The following STAC variants were observed in gnomAD, a reference collection of about 807,000 sequenced individuals.
STAC encodes the protein SH3 and cysteine rich domain.
Under a neutral mutation model 48.8 loss-of-function variants are expected in STAC, and 43 were observed. The observed-to-expected ratio is 0.88, with a 90% CI of 0.69 to 1.14. The LOEUF is 1.14. STAC is among the 50% of genes most tolerant of loss of function. The pLI is 0.00. For synonymous variants in STAC, 193 were observed against 179.5 expected, an observed-to-expected ratio of 1.07 and a Z score of -0.60; for missense variants, 497 against 504.0, an observed-to-expected ratio of 0.99 and a Z score of 0.13.
At chr3:36,513,093 G>A (rs1017812782) in intron 8 of STAC, among the ~76,000 whole-genome samples, 1 of 152,124 alleles carries the variant, frequency 6.6e-6, no homozygotes, top group African/African-American at 2.4e-5. Context: ...AGACAAAGAC[G>A]ACCCAACTGG....
intron 1 of STAC, among the ~76,000 whole-genome samples, chr3:36,395,036 T>C (rs982069040): frequency 1.3e-5 from 2 of 151,514 alleles, no homozygotes; most frequent in Non-Finnish European, 2.9e-5. Context: ...GATATATATA[T>C]ATATATATCA....
At position 36,398,574 on chromosome 3, in the gene STAC, AAGGAAGGAAGGAAGGAAGG is replaced by A. The variant is rs1461335086; in HGVS notation, c.111+17822_111+17840del. Among the ~76,000 whole-genome samples, 58 of 74,912 alleles carry A rather than the reference AAGGAAGGAAGGAAGGAAGG, an allele frequency of 7.7e-4. 5 individuals carry two copies. The highest frequency in any genetic ancestry group is 1.1e-3 in the Non-Finnish European group (43 of 37,884). The allele number at this position is 74,912 out of a possible 152,430, so 49.1% of individuals were successfully genotyped here. On this transcript the variant is annotated intron_variant, in intron 1 of 10. Coordinates refer to ENST00000273183, the MANE Select transcript of STAC (RefSeq NM_003149.3). The stretch of plus-strand genomic sequence containing the variant: ...GAAAGAGAGAGGGAAGGAAGGAAGG[AAGGAAGGAAGGAAGGAAGG>A]AAGGAAGAAAGGAAGGAGGGAAGGA...
At chr3:36,395,934 A>T (rs1402725121) in intron 1 of STAC, among the ~76,000 whole-genome samples, 1 of 49,406 alleles carries the variant, frequency 2.0e-5, no homozygotes, top group Non-Finnish European at 4.1e-5. Context: ...ACAAAGTTTA[A>T]AAAAAAAAAA....
intron 2 of STAC, among the ~76,000 whole-genome samples, chr3:36,444,643 G>A (rs575044962): frequency 9.4e-4 from 143 of 152,264 alleles, no homozygotes; most frequent in Non-Finnish European, 1.1e-3. Flanking sequence ...GTCAAGACAG[G>A]GGCAACCCCC....
chr3:36,469,119 C>G (rs999656332), intron 2 of STAC, among the ~76,000 whole-genome samples: 4 of 151,948 alleles, frequency 2.6e-5, no homozygotes, highest in African/African-American at 7.3e-5. Context: ...AGATTCTATT[C>G]TATTCATCGT....
At chr3:36,389,453 G>A (rs189955560) in intron 1 of STAC, among the ~76,000 whole-genome samples, 3 of 152,106 alleles carry the variant, frequency 2.0e-5, no homozygotes, top group Admixed American at 2.0e-4. Flanking sequence ...CAAAGCCCTC[G>A]CCTTTTAATA....
intron 2 of STAC, among the ~76,000 whole-genome samples, chr3:36,472,039 C>A (rs1470834783): frequency 1.3e-5 from 2 of 152,218 alleles, no homozygotes; most frequent in Non-Finnish European, 2.9e-5. Flanking sequence ...CATAAGGGCC[C>A]CGCCCCTGCA....
intron 1 of STAC, among the ~76,000 whole-genome samples, chr3:36,390,004 G>T (rs13322139): frequency 1.3e-4 from 20 of 152,286 alleles, no homozygotes; most frequent in Non-Finnish European, 2.9e-5. Flanking sequence ...AGGGACAGGG[G>T]TTTATTGCTG....
intron 10 of STAC, among the ~76,000 whole-genome samples, chr3:36,536,665 C>G (rs1699204940): frequency 6.6e-6 from 1 of 151,804 alleles, no homozygotes; most frequent in Admixed American, 6.6e-5. Flanking sequence ...GCAACAAAAG[C>G]AAAAATTGAC....
At chr3:36,392,286 C>CTCTAGAATTCACTTTTTAGCAAA (rs1476041895) in intron 1 of STAC, among the ~76,000 whole-genome samples, 4 of 152,154 alleles carry the variant, frequency 2.6e-5, no homozygotes, top group African/African-American at 4.8e-5. Context: ...TCTTCTTTAT[C>CTCTAGAATTCACTTTTTAGCAAA]CTCAAGTTCC....
intron 1 of STAC, 49 bp downstream of exon 1, chr3:36,380,803 C>T (rs374520148): frequency 1.3e-5 from 19 of 1,446,504 alleles, no homozygotes; most frequent in Non-Finnish European, 1.7e-5. Context: ...CTCTCCTCTC[C>T]TGTCGGTCCA....
At chr3:36,536,360 A>G (rs921109354) in intron 10 of STAC, among the ~76,000 whole-genome samples, 1 of 152,240 alleles carries the variant, frequency 6.6e-6, no homozygotes, top group Non-Finnish European at 1.5e-5. Flanking sequence ...ACAAGGCTAC[A>G]ATAACCAAAA....
intron 1 of STAC, among the ~76,000 whole-genome samples, chr3:36,405,047 GTTTAC>G (rs1453751707): frequency 1.3e-5 from 2 of 152,062 alleles, no homozygotes; most frequent in Non-Finnish European, 2.9e-5. Flanking sequence ...TACGATTCTT[GTTTAC>G]TTTAAAACTA....
At chr3:36,495,535 A>C (rs543874479) in intron 6 of STAC, among the ~76,000 whole-genome samples, 1 of 152,054 alleles carries the variant, frequency 6.6e-6, no homozygotes, top group East Asian at 1.9e-4. Flanking sequence ...CCATCAGCAA[A>C]CTCTATCTGC....
At chr3:36,442,953 A>G (rs1696394749) in intron 1 of STAC, among the ~76,000 whole-genome samples, 1 of 152,222 alleles carries the variant, frequency 6.6e-6, no homozygotes, top group Non-Finnish European at 1.5e-5. Flanking sequence ...AAGTGATCAT[A>G]AGAGAGAAAG....
intron 8 of STAC, among the ~76,000 whole-genome samples, chr3:36,520,740 A>G (rs1458119740): frequency 1.3e-5 from 2 of 152,220 alleles, no homozygotes; most frequent in African/African-American, 4.8e-5. Context: ...CACTATGTCA[A>G]GAAACCCAGA....
At chr3:36,509,366 G>C (rs975599104) in intron 8 of STAC, among the ~76,000 whole-genome samples, 7 of 152,062 alleles carry the variant, frequency 4.6e-5, no homozygotes, top group Non-Finnish European at 8.8e-5. Flanking sequence ...TGGTGAATCT[G>C]ACGATTATGT....
intron 1 of STAC, among the ~76,000 whole-genome samples, chr3:36,396,167 C>CT (rs1431265901): frequency 1.3e-5 from 2 of 151,940 alleles, no homozygotes; most frequent in African/African-American, 4.8e-5. Flanking sequence ...ATATTGATTT[C>CT]TTTTTTTATA....
At chr3:36,428,162 C>A (rs544678265) in intron 1 of STAC, among the ~76,000 whole-genome samples, 4 of 152,252 alleles carry the variant, frequency 2.6e-5, no homozygotes, top group East Asian at 3.9e-4. Context: ...GTAATTGAGG[C>A]CCCCTAGAGC....
Sources: allele counts gnomAD v4.1 joint callset (sites outside exome capture counted in the v4.1 genomes callset), GRCh38; gene constraint gnomAD v4.1.1; transcripts MANE v1.5; gene names NCBI Gene and HGNC (gene_info 2026-07-23, HGNC 2026-07-21).